The following SPHKAP variants were observed in gnomAD, a reference collection of about 807,000 sequenced individuals.
The protein encoded by SPHKAP is SPHK1 interactor, AKAP domain containing, also known as A-kinase anchor protein SPHKAP.
Under a neutral mutation model 137.5 loss-of-function variants are expected in SPHKAP, and 67 were observed. That is an observed-to-expected ratio of 0.49 (90% confidence interval 0.40 to 0.60). The LOEUF (loss-of-function observed/expected upper bound fraction) is 0.60. Ranked by LOEUF, SPHKAP falls within the 20% of genes least tolerant of loss-of-function variation. SPHKAP has a pLI of 0.00. For synonymous variants in SPHKAP, 813 were observed against 785.3 expected (o/e 1.04, Z -0.59); for missense variants, 2,097 against 2,069.3 (o/e 1.01, Z -0.26).
rs1410252568 is a variant in SPHKAP, at chr2:228,016,426, C to T, written c.4428G>A (p.Val1476=). 1 of 1,601,296 alleles carries T rather than the reference C, an allele frequency of 6.2e-7. No homozygotes were observed. Among genetic ancestry groups the T allele is most frequent in the Non-Finnish European group, 8.5e-7 (1 of 1,175,182 alleles). The part of the protein sequence containing the change: ...PDVVRGGDTA[V]SACQIHSDSL... ...CTCACCTATGGATTTGACAAGCGCTCACGGCTGTGTCTCCACCTCTCACCA... is the reference window on the plus strand; with the variant it reads ...CTCACCTATGGATTTGACAAGCGCTTACGGCTGTGTCTCCACCTCTCACCA... Residue 1476 remains valine (V), a synonymous_variant, in exon 7 of 12, where the codon GTG becomes GTA. Transcript: ENST00000392056.
intron 1 of SPHKAP, among the ~76,000 whole-genome samples, chr2:228,149,149 A>G (rs1392187261): frequency 6.6e-6 from 1 of 152,150 alleles, no homozygotes; most frequent in Non-Finnish European, 1.5e-5. Flanking sequence ...TCTAATAGAG[A>G]GAATTTTAAG....
At chr2:228,118,149 G>A (rs1021112773) in intron 2 of SPHKAP, among the ~76,000 whole-genome samples, 2 of 151,030 alleles carry the variant, frequency 1.3e-5, no homozygotes, top group African/African-American at 4.9e-5. Flanking sequence ...TTAGCATAAT[G>A]AGTTTGAGAT....
intron 1 of SPHKAP, among the ~76,000 whole-genome samples, chr2:228,133,350 T>TAAATAAA (rs1456621005): frequency 6.8e-6 from 1 of 148,068 alleles, no homozygotes; most frequent in African/African-American, 2.5e-5. Flanking sequence ...AATAAATAAA[T>TAAATAAA]TACTTCTACA....
chr2:228,047,537 A>G (rs1455424876), intron 3 of SPHKAP, among the ~76,000 whole-genome samples: 1 of 152,180 alleles, frequency 6.6e-6, no homozygotes, highest in East Asian at 1.9e-4. Context: ...ACTGAATTAC[A>G]GATAAGTTAA....
intron 3 of SPHKAP, among the ~76,000 whole-genome samples, chr2:228,039,747 C>G (rs7593006): frequency 0.38 from 58,161 of 151,904 alleles, 11,581 homozygotes; most frequent in South Asian, 0.51. Flanking sequence ...CAGACAAAAT[C>G]AGTGCTTTTA....
intron 1 of SPHKAP, among the ~76,000 whole-genome samples, chr2:228,154,512 C>CTA (rs1559203928): frequency 0.013 from 287 of 22,064 alleles, 5 homozygotes; most frequent in Middle Eastern, 0.1. Context: ...CTCTCTCTCT[C>CTA]TATATATATA....
chr2:228,172,586 C>T (rs1413193189), intron 1 of SPHKAP, among the ~76,000 whole-genome samples: 1 of 152,212 alleles, frequency 6.6e-6, no homozygotes, highest in East Asian at 1.9e-4. Flanking sequence ...TGATCACCCA[C>T]CATTTCAACC....
At chr2:228,003,955 T>C (rs548332404) in intron 7 of SPHKAP, among the ~76,000 whole-genome samples, 35 of 152,164 alleles carry the variant, frequency 2.3e-4, no homozygotes, top group Non-Finnish European at 4.8e-4. Context: ...CTGCTGGATT[T>C]GGTTTGCCAG....
rs915638253 is a variant in SPHKAP at position 228,118,248 on chromosome 2, T to A, written c.139-9309A>T. Among the ~76,000 whole-genome samples the A allele has an allele frequency of 3.3e-3, 219 of 65,576 alleles. 1 individual carries two copies. Among genetic ancestry groups the A allele is most frequent in the African/African-American group, 9.7e-3 (205 of 21,096 alleles). The allele number at this position is 65,576 out of a possible 152,430, so 43.0% of individuals were successfully genotyped here. On this transcript the variant is annotated intron_variant, in intron 2 of 11. Transcript: ENST00000392056. ...TTCTGTGGAGATACACAGTTTTTTT[T>A]TTTTTTTTTTTTTTTAAGCCATTCA... is the stretch of plus-strand genomic sequence containing the variant.
intron 1 of SPHKAP, among the ~76,000 whole-genome samples, chr2:228,147,387 A>T (rs1028383573): frequency 6.6e-6 from 1 of 152,222 alleles, no homozygotes; most frequent in African/African-American, 2.4e-5. Context: ...TCAATACAAG[A>T]TGCATATAGT....
intron 1 of SPHKAP, among the ~76,000 whole-genome samples, chr2:228,178,012 G>C (rs1051899291): frequency 2.6e-5 from 4 of 152,048 alleles, no homozygotes; most frequent in Non-Finnish European, 5.9e-5. Context: ...CTTAGATATG[G>C]CCAAGGTGAC....
intron 1 of SPHKAP, among the ~76,000 whole-genome samples, chr2:228,139,120 A>T (rs1215599084): frequency 6.6e-6 from 1 of 152,212 alleles, no homozygotes; most frequent in Non-Finnish European, 1.5e-5. Context: ...GAAGATGAAA[A>T]GCAAAGACAC....
chr2:227,990,889 C>T, intron 11 of SPHKAP, 111 bp downstream of exon 11: 5 of 1,072,074 alleles, frequency 4.7e-6, no homozygotes, highest in East Asian at 2.5e-5. Flanking sequence ...AGATCAAGAA[C>T]AGTCAGGATC....
At chr2:228,055,655 C>T (rs949003749) in intron 3 of SPHKAP, among the ~76,000 whole-genome samples, 7 of 152,140 alleles carry the variant, frequency 4.6e-5, no homozygotes, top group Non-Finnish European at 8.8e-5. Flanking sequence ...GGGGAGCTGG[C>T]GACCCCTTTC....
At chr2:227,986,059 A>C (rs1327199271) in intron 11 of SPHKAP, among the ~76,000 whole-genome samples, 1 of 152,184 alleles carries the variant, frequency 6.6e-6, no homozygotes, top group Non-Finnish European at 1.5e-5. Context: ...TGGTTTGAGC[A>C]TTGGAGTTCG....
intron 1 of SPHKAP, among the ~76,000 whole-genome samples, chr2:228,150,860 C>T (rs921456453): frequency 1.3e-5 from 2 of 152,036 alleles, no homozygotes; most frequent in Non-Finnish European, 2.9e-5. Flanking sequence ...AAGCAATCCT[C>T]ATACCTCAGC....
At chr2:228,066,647 T>C (rs1696836399) in intron 3 of SPHKAP, among the ~76,000 whole-genome samples, 1 of 152,294 alleles carries the variant, frequency 6.6e-6, no homozygotes, top group African/African-American at 2.4e-5. Flanking sequence ...AGGGCTGTAA[T>C]GAGCACAAAG....
chr2:228,135,051 G>T (rs1699391215), intron 1 of SPHKAP, among the ~76,000 whole-genome samples: 1 of 152,086 alleles, frequency 6.6e-6, no homozygotes, highest in Non-Finnish European at 1.5e-5. Context: ...GAGGTGGGTG[G>T]ATCACCTGAG....
intron 1 of SPHKAP, among the ~76,000 whole-genome samples, chr2:228,154,512 C>CTCTCTCTCTCTATATATATATA (rs1393941364): frequency 9.1e-5 from 2 of 22,066 alleles, no homozygotes; most frequent in Non-Finnish European, 1.5e-4. Context: ...CTCTCTCTCT[C>CTCTCTCTCTCTATATATATATA]TATATATATA....
Sources: allele counts gnomAD v4.1 joint callset (sites outside exome capture counted in the v4.1 genomes callset), GRCh38; gene constraint gnomAD v4.1.1; transcripts MANE v1.5; gene names NCBI Gene and HGNC (gene_info 2026-07-23, HGNC 2026-07-21).